The following COLEC12 variants were observed in gnomAD, a reference collection of about 807,000 sequenced individuals.
COLEC12 encodes the protein collectin-12.
A neutral mutation model predicts 71.1 loss-of-function variants in COLEC12; 33 were observed. The ratio of observed to expected loss-of-function variants is 0.46; its 90% CI spans 0.35 to 0.62. COLEC12 has a LOEUF of 0.62. Among genes scored for constraint, COLEC12 ranks in the 20% least tolerant of loss-of-function variants. The pLI is 0.00. For missense variants in COLEC12, 765 were observed against 916.1 expected, an observed-to-expected ratio of 0.84 and a Z score of 2.13; for synonymous variants, 350 against 353.0, an observed-to-expected ratio of 0.99 and a Z score of 0.10.
chr18:324,395 G>T lies in COLEC12; in HGVS notation c.2064-2588C>A, dbSNP rs555769258. The stretch of plus-strand genomic sequence containing the variant: ...TCATACACATGTCACAGAAGTGAGC[G>T]GTAGCAGCACATACATATACTTGGA... On this transcript the variant is annotated intron_variant, in intron 8 of 9. Coordinates refer to ENST00000400256, the MANE Select transcript of COLEC12 (RefSeq NM_130386.3). 4.6e-5 allele frequency among the ~76,000 whole-genome samples: 7 copies of T among 152,198 alleles called. No individual in the cohort carries two copies. In the East Asian group the frequency reaches 1.4e-3, roughly 29 times the overall value.
chr18:440,935 T>G (rs1284291115), intron 2 of COLEC12, among the ~76,000 whole-genome samples: 1 of 152,142 alleles, frequency 6.6e-6, no homozygotes, highest in African/African-American at 2.4e-5. Flanking sequence ...ATAGGCTCCC[T>G]ACAGCGGGGC....
At chr18:455,159 T>C (rs565214997) in intron 2 of COLEC12, among the ~76,000 whole-genome samples, 5 of 152,316 alleles carry the variant, frequency 3.3e-5, no homozygotes, top group Admixed American at 3.3e-4. Flanking sequence ...CATGGCCGCA[T>C]TGTGGCTAAG....
intron 5 of COLEC12, among the ~76,000 whole-genome samples, chr18:335,958 T>A (rs1399662507): frequency 2.0e-5 from 3 of 152,214 alleles, no homozygotes; most frequent in Non-Finnish European, 4.4e-5. Context: ...GCCTGTGTTG[T>A]CATCAGCAGG....
intron 2 of COLEC12, among the ~76,000 whole-genome samples, chr18:407,010 GT>G (rs1915804496): frequency 6.6e-6 from 1 of 152,244 alleles, no homozygotes; most frequent in Non-Finnish European, 1.5e-5. Flanking sequence ...AAGGTCCTGT[GT>G]TCCCTGATCT....
rs564586018 is a variant in COLEC12, at chr18:469,796, A to G, written c.58+10911T>C. On this transcript the variant is annotated intron_variant, in intron 2 of 9. Transcript: ENST00000400256. The stretch of plus-strand genomic sequence containing the variant: ...CTTCTGATTCTACATATACTCTATG[A>G]CTCTGTTTGGGAAGCCTTTGATGAG... Among the ~76,000 whole-genome samples the G allele has an allele frequency of 7.2e-5, 11 of 152,244 alleles. No homozygotes were observed. The South Asian group carries it at 2.3e-3, about 32-fold the overall frequency.
intron 2 of COLEC12, among the ~76,000 whole-genome samples, chr18:367,829 C>A (rs950580808): frequency 1.3e-5 from 2 of 152,172 alleles, no homozygotes; most frequent in African/African-American, 4.8e-5. Flanking sequence ...GTGGCCCATG[C>A]CTGTAATCCC....
chr18:356,351 G>A (rs1362132877), intron 3 of COLEC12, among the ~76,000 whole-genome samples: 1 of 152,108 alleles, frequency 6.6e-6, no homozygotes. Context: ...CATGACCCCT[G>A]GCACAGTAGC....
In COLEC12 at chr18:340,634, C is replaced by CT. The variant is rs1430437749; in HGVS notation, c.1328-5405dup. Reference sequence around the variant, plus strand: ...GGAAGAGAAACCACTTTAATTCTTACTGCCATCCAAAATCTTAGAGACTCA... The same window carrying CT: ...GGAAGAGAAACCACTTTAATTCTTACTTGCCATCCAAAATCTTAGAGACTCA... On this transcript the variant is annotated intron_variant, in intron 5 of 9. Transcript: ENST00000400256. Among the ~76,000 whole-genome samples the CT allele has an allele frequency of 3.3e-5, 5 of 152,322 alleles. No homozygotes were observed. In the East Asian group the frequency reaches 9.6e-4, roughly 29 times the overall value.
intron 2 of COLEC12, among the ~76,000 whole-genome samples, chr18:369,951 C>A (rs1382046864): frequency 2.0e-5 from 3 of 152,088 alleles, no homozygotes; most frequent in African/African-American, 7.2e-5. Context: ...TGAAGAGCAA[C>A]CCCGATCTGG....
At chr18:336,247 C>T (rs552763090) in intron 5 of COLEC12, among the ~76,000 whole-genome samples, 1 of 152,202 alleles carries the variant, frequency 6.6e-6, no homozygotes, top group South Asian at 2.1e-4. Flanking sequence ...CACCCATGGG[C>T]CAGCTCAGAG....
chr18:340,191 G>C (rs750222198), intron 5 of COLEC12, among the ~76,000 whole-genome samples: 1 of 151,854 alleles, frequency 6.6e-6, no homozygotes, highest in Non-Finnish European at 1.5e-5. Flanking sequence ...GATGTCCTAC[G>C]TGGAAGGACA....
chr18:490,811 A>G (rs944886321), intron 1 of COLEC12, among the ~76,000 whole-genome samples: 3 of 152,190 alleles, frequency 2.0e-5, no homozygotes, highest in African/African-American at 7.2e-5. Context: ...CAAACCAAAC[A>G]TCATAGCAAA....
chr18:457,717 T>C (rs995233577), intron 2 of COLEC12, among the ~76,000 whole-genome samples: 2 of 152,086 alleles, frequency 1.3e-5, no homozygotes, highest in Admixed American at 6.5e-5. Flanking sequence ...GTCCCAAGAG[T>C]TGCAAAATGT....
rs567828147 is a variant in COLEC12, at chr18:353,453, T to A, written c.181+3947A>T. Among the ~76,000 whole-genome samples the A allele has an allele frequency of 4.6e-5, 7 of 152,326 alleles. No homozygotes were observed. In the South Asian group the frequency reaches 1.2e-3, roughly 27 times the overall value. ...GTTTAACTCCAAAATCCATGCTCTT[T>A]CTATGACTCCGTATCACCTCTCTTT... On this transcript the variant is annotated intron_variant, in intron 3 of 9. Coordinates refer to ENST00000400256, the MANE Select transcript of COLEC12 (RefSeq NM_130386.3).
chr18:342,971 G>A (rs12954598), intron 5 of COLEC12, among the ~76,000 whole-genome samples: 22,903 of 152,066 alleles, frequency 0.15, 2,425 homozygotes, highest in African/African-American at 0.28. Flanking sequence ...TTTTTCTGCA[G>A]CTCCCCAGTC....
chr18:375,864 A>T (rs949220317), intron 2 of COLEC12, among the ~76,000 whole-genome samples: 3 of 152,244 alleles, frequency 2.0e-5, no homozygotes, highest in African/African-American at 7.2e-5. Flanking sequence ...AAATGAATTA[A>T]TGCCTGTAAA....
chr18:334,466 A>C (rs755298044), intron 6 of COLEC12: 3 of 241,320 alleles, frequency 1.2e-5, no homozygotes, highest in East Asian at 7.6e-5. Flanking sequence ...CCTCTCTACT[A>C]AAAATACAAA....
chr18:331,913 T>C, intron 7 of COLEC12, 136 bp from the exon 8 acceptor site: 1 of 623,250 alleles, frequency 1.6e-6, no homozygotes, highest in Non-Finnish European at 2.8e-6. Flanking sequence ...TGCTTTTGCT[T>C]TCTGCTTTTT....
intron 2 of COLEC12, among the ~76,000 whole-genome samples, chr18:398,038 A>G (rs1261851162): frequency 6.8e-6 from 1 of 146,076 alleles, no homozygotes; most frequent in East Asian, 2.0e-4. Context: ...GCCCAGGTCT[A>G]TGACCTAACT....
Sources: allele counts gnomAD v4.1 joint callset (sites outside exome capture counted in the v4.1 genomes callset), GRCh38; gene constraint gnomAD v4.1.1; transcripts MANE v1.5; gene names NCBI Gene and HGNC (gene_info 2026-07-23, HGNC 2026-07-21).